The following NFASC variants were observed in gnomAD, a reference collection of about 807,000 sequenced individuals.
NFASC encodes the protein neurofascin.
NFASC carries 43 observed loss-of-function variants against 147.5 expected under a neutral mutation model. The observed-to-expected ratio is 0.29, with a 90% CI of 0.23 to 0.38. NFASC has a LOEUF of 0.38. Among genes scored for constraint, NFASC ranks in the 10% least tolerant of loss-of-function variants. The pLI is 1.00. For missense variants in NFASC, 1,320 were observed against 1,689.0 expected (o/e 0.78, Z 3.83); for synonymous variants, 622 against 665.5 (o/e 0.93, Z 1.01).
chr1:204,919,860 C>G (rs917790082), intron 1 of NFASC, among the ~76,000 whole-genome samples: 44 of 152,132 alleles, frequency 2.9e-4, no homozygotes, highest in Admixed American at 8.5e-4. Context: ...CTTAAGTGAT[C>G]CACCCTCCTT....
intron 1 of NFASC, among the ~76,000 whole-genome samples, chr1:204,915,441 TAG>T (rs1295446048): frequency 6.6e-5 from 10 of 152,184 alleles, no homozygotes; most frequent in African/African-American, 2.4e-4. Context: ...TGTGTTTACA[TAG>T]ACTCTCTGGG....
chr1:204,999,718 TGCAGAAG>T (rs2095931703), intron 25 of NFASC: 2 of 152,242 alleles, frequency 1.3e-5, no homozygotes, highest in Non-Finnish European at 2.9e-5. Flanking sequence ...AGAGTTGTAG[TGCAGAAG>T]GCACCTCTTT....
chr1:204,993,326 C>T (rs1322278730), intron 24 of NFASC, among the ~76,000 whole-genome samples: 1 of 152,210 alleles, frequency 6.6e-6, no homozygotes, highest in Non-Finnish European at 1.5e-5. Context: ...CATTTTTGGA[C>T]TAAACCTTCC....
rs1235793533 is a variant in NFASC at position 205,016,132 on chromosome 1, T to C, written c.3492-176T>C. 1.3e-5 allele frequency among the ~76,000 whole-genome samples: 2 copies of C among 152,174 alleles called. No homozygotes were observed. Among genetic ancestry groups the C allele is most frequent in the Admixed American group, 6.5e-5 (1 of 15,280 alleles). ...CTCACCTTAGAGAAGGTGCTTGTCC[T>C]CTCTAGGCCTCCATTTCCCTTCTGC... On this transcript the variant is annotated intron_variant, in intron 29 of 29. Transcript: ENST00000339876. This position sits in a 1 kb window ranked among gnomAD's most constrained non-coding sequence, Gnocchi z 5.1.
intron 1 of NFASC, among the ~76,000 whole-genome samples, chr1:204,852,184 A>G (rs1179933444): frequency 6.6e-6 from 1 of 152,192 alleles, no homozygotes; most frequent in Non-Finnish European, 1.5e-5. Flanking sequence ...ATCTGATCCC[A>G]TTAGAGCTGC....
At position 204,866,417 on chromosome 1, in the gene NFASC, GTTC is replaced by G. The variant is rs562703532; in HGVS notation, c.-200+37638_-200+37640del. On this transcript the variant is annotated intron_variant, in intron 1 of 29. Coordinates refer to ENST00000339876, the MANE Select transcript of NFASC (RefSeq NM_001005388.3). The stretch of plus-strand genomic sequence containing the variant: ...GCTATGCCGAGCCCTTGAGAGGTCA[GTTC>G]TTAGGTAACCATGCTTCCAAGAATT... 2.0e-3 allele frequency among the ~76,000 whole-genome samples: 307 copies of G among 152,314 alleles called. 3 individuals are homozygous for G. The highest frequency in any genetic ancestry group is 6.6e-3 in the African/African-American group (273 of 41,562).
intron 1 of NFASC, among the ~76,000 whole-genome samples, chr1:204,873,818 A>G (rs1412714358): frequency 2.6e-5 from 4 of 152,058 alleles, no homozygotes; most frequent in Non-Finnish European, 5.9e-5. Flanking sequence ...CCTGATCTGT[A>G]CCATGGCAGC....
intron 3 of NFASC, 103 bp from the exon 4 acceptor site, chr1:204,950,454 G>T: frequency 9.3e-7 from 1 of 1,079,528 alleles, no homozygotes; most frequent in Middle Eastern, 2.0e-4. Flanking sequence ...GGCACACCCC[G>T]CCCACTCCCT....
In NFASC at chr1:204,891,589, A is replaced by G. The variant is rs149928355; in HGVS notation, c.-199-29043A>G. On this transcript the variant is annotated intron_variant, in intron 1 of 29. Transcript: ENST00000339876. ...GGTAGCTCTTGCAGAGATAGTCACTACAGCGGTATTTGGAGCCCTGTAAAC... is the reference window on the plus strand; with the variant it reads ...GGTAGCTCTTGCAGAGATAGTCACTGCAGCGGTATTTGGAGCCCTGTAAAC... 7.7e-4 allele frequency among the ~76,000 whole-genome samples: 118 copies of G among 152,290 alleles called. 1 individual carries two copies. Among genetic ancestry groups the G allele is most frequent in the South Asian group, 5.0e-3 (24 of 4,832 alleles).
At chr1:204,944,452 C>CCTGG in intron 3 of NFASC, 46 bp downstream of exon 3, 3 of 684,546 alleles carry the variant, frequency 4.4e-6, no homozygotes, top group Non-Finnish European at 6.8e-6. Flanking sequence ...TGATTTTGGG[C>CCTGG]AGAGGGGTGG....
At position 204,980,367 on chromosome 1, in the gene NFASC, C is replaced by A; in HGVS notation, c.2177-3C>A. The A allele has an allele frequency of 6.2e-7, 1 of 1,613,194 alleles. No homozygotes were observed. Among genetic ancestry groups the A allele is most frequent in the Non-Finnish European group, 8.5e-7 (1 of 1,179,436 alleles). ...CTTGAGCCTGTGTCTGTTTGGGTTC[C>A]AGCCCCCGAGTCCAATCCTGGTGAC... is the stretch of plus-strand genomic sequence containing the variant. On this transcript the variant is annotated splice_polypyrimidine_tract_variant and splice_region_variant and intron_variant, in intron 19 of 29. Coordinates refer to ENST00000339876, the MANE Select transcript of NFASC (RefSeq NM_001005388.3).
chr1:204,857,919 CTTTTT>C (rs58996261), intron 1 of NFASC, among the ~76,000 whole-genome samples: 1 of 122,588 alleles, frequency 8.2e-6, no homozygotes, highest in Non-Finnish European at 1.6e-5. Flanking sequence ...TCTTCTTCTT[CTTTTT>C]TTTTTTTTTT....
intron 1 of NFASC, among the ~76,000 whole-genome samples, chr1:204,851,920 A>G (rs981215510): frequency 3.3e-5 from 5 of 152,228 alleles, no homozygotes; most frequent in African/African-American, 7.2e-5. Context: ...TCTGGCTTTG[A>G]TGCTCTGGAA....
intron 1 of NFASC, among the ~76,000 whole-genome samples, chr1:204,914,890 GA>G (rs1490063978): frequency 5.9e-5 from 9 of 152,274 alleles, no homozygotes; most frequent in Admixed American, 4.6e-4. Context: ...TTTTCTATAT[GA>G]AATGATTACA....
At chr1:205,002,888 C>T in intron 27 of NFASC, 140 bp downstream of exon 27, 1 of 615,652 alleles carries the variant, frequency 1.6e-6, no homozygotes, top group Non-Finnish European at 2.4e-6. Context: ...TGTCTCAGCT[C>T]TTATTATGTA....
intron 2 of NFASC, among the ~76,000 whole-genome samples, chr1:204,926,679 G>T (rs2091661554): frequency 6.6e-6 from 1 of 151,178 alleles, no homozygotes; most frequent in Admixed American, 6.6e-5. Flanking sequence ...CTCCTAAAGT[G>T]CTGGGATTAC....
At chr1:205,004,883 G>A (rs1375597) in intron 27 of NFASC, among the ~76,000 whole-genome samples, 49,987 of 152,166 alleles carry the variant, frequency 0.33, 10,530 homozygotes, top group Non-Finnish European at 0.48. Flanking sequence ...ATCCCAATGG[G>A]AAGTTAATCA....
chr1:204,870,448 G>C (rs923501438), intron 1 of NFASC, among the ~76,000 whole-genome samples: 1 of 152,078 alleles, frequency 6.6e-6, no homozygotes, highest in East Asian at 1.9e-4. Flanking sequence ...CATGGAGGAC[G>C]TGTGCATGGG....
At chr1:204,937,679 T>A (rs974641723) in intron 2 of NFASC, among the ~76,000 whole-genome samples, 3 of 152,210 alleles carry the variant, frequency 2.0e-5, no homozygotes, top group Non-Finnish European at 2.9e-5. Flanking sequence ...CCTCCGTTTC[T>A]CCATCCGCTG....
Sources: allele counts gnomAD v4.1 joint callset (sites outside exome capture counted in the v4.1 genomes callset), GRCh38; gene constraint gnomAD v4.1.1; non-coding constraint Gnocchi (gnomAD v3.1); transcripts MANE v1.5; gene names NCBI Gene and HGNC (gene_info 2026-07-23, HGNC 2026-07-21).